The following TOP1MT variants were observed in gnomAD, a reference collection of about 807,000 sequenced individuals.
TOP1MT encodes DNA topoisomerase I mitochondrial, also known as DNA topoisomerase I, mitochondrial.
Under a neutral mutation model 73.9 loss-of-function variants are expected in TOP1MT, and 80 were observed. The ratio of observed to expected loss-of-function variants is 1.08; its 90% confidence interval spans 0.90 to 1.30. TOP1MT has a LOEUF of 1.30. Ranked by LOEUF, TOP1MT falls within the 50% of genes most tolerant of loss-of-function variation. TOP1MT has a pLI of 0.00. For synonymous variants in TOP1MT, 338 were observed against 326.4 expected (o/e 1.04, Z -0.38); for missense variants, 815 against 808.0 (o/e 1.01, Z -0.10).
intron 5 of TOP1MT, among the ~76,000 whole-genome samples, 153 bp from the exon 6 acceptor site, chr8:143,324,782 G>A (rs1816660060): frequency 6.6e-6 from 1 of 152,212 alleles, no homozygotes; most frequent in Non-Finnish European, 1.5e-5. Context: ...CTGCCTGGCA[G>A]CTCAGACAAA....
upstream of TOP1MT, among the ~76,000 whole-genome samples, chr8:143,346,096 A>G (rs1035730740): frequency 3.3e-5 from 5 of 152,084 alleles, no homozygotes; most frequent in African/African-American, 1.2e-4. Flanking sequence ...ATGTGTCTGT[A>G]AAGTTCACTT....
chr8:143,338,529 T>C (rs1817020976), upstream of TOP1MT, among the ~76,000 whole-genome samples: 1 of 151,306 alleles, frequency 6.6e-6, no homozygotes, highest in South Asian at 2.1e-4. Flanking sequence ...ATCGCACCAT[T>C]GCACTCCAGC....
chr8:143,326,446 G>A (rs3829019), intron 3 of TOP1MT, 102 bp from the exon 4 acceptor site: 436,683 of 1,517,842 alleles, frequency 0.29, 67,556 homozygotes, highest in African/African-American at 0.53. Flanking sequence ...CGCCATGTCC[G>A]ACGGAGGCGT....
intron 7 of TOP1MT, among the ~76,000 whole-genome samples, chr8:143,323,024 ACACACACATGCACG>A (rs1177748531): frequency 2.3e-5 from 1 of 44,174 alleles, no homozygotes; most frequent in Non-Finnish European, 5.0e-5. Flanking sequence ...ACACATGCAC[ACACACACATGCACG>A]CCACACAGGC....
In TOP1MT at chr8:143,341,999, CAG is replaced by C. The variant is rs537889435; in HGVS notation, c.29+1219_29+1220del. On this transcript the variant is annotated intron_variant, in intron 2 of 5. Coordinates refer to the TOP1MT transcript ENST00000518007. The surrounding 1 kb of genome is among the most constrained non-coding windows in gnomAD (Gnocchi z 4.1). ...TCGCTGTTATTATTATTATTAGAGA[CAG>C]AGTCTCGCTCTGTTATTATATTAGA... Among the ~76,000 whole-genome samples, 6 of 146,306 alleles carry C rather than the reference CAG, an allele frequency of 4.1e-5. No homozygotes were observed. The highest frequency in any genetic ancestry group is 2.2e-4 in the South Asian group (1 of 4,598).
intron 10 of TOP1MT, 83 bp from the exon 11 acceptor site, chr8:143,316,209 C>A: frequency 6.3e-7 from 1 of 1,597,558 alleles, no homozygotes; most frequent in Admixed American, 1.7e-5. Flanking sequence ...TAACGCGCCA[C>A]ACAGCGCAGC....
rs1309169760 is a variant in TOP1MT at position 143,334,811 on chromosome 8, C to T, written c.51G>A (p.Gly17=). The T allele has an allele frequency of 1.9e-6, 3 of 1,573,520 alleles. No individual in the cohort carries two copies. The highest frequency in any genetic ancestry group is 2.6e-6 in the Non-Finnish European group (3 of 1,164,880). Residue 17 remains glycine, a synonymous_variant, in exon 1 of 14, where the codon GGG becomes GGA. Coordinates refer to ENST00000329245, the MANE Select transcript of TOP1MT (RefSeq NM_052963.3). ...LRLRAALTLL[G]EVPRRPASRG... is the part of the protein sequence containing the mutation. ...GGGAGGCCGGGCGGCGGGGGACCTC[C>T]CCGAGCAGCGTCAGAGCCGCCCGGA...
chr8:143,339,067 G>C (rs1817029480), upstream of TOP1MT, among the ~76,000 whole-genome samples: 11 of 152,182 alleles, frequency 7.2e-5, no homozygotes, highest in Admixed American at 7.2e-4. Context: ...TACCTATAAA[G>C]ACGTTTCCCA....
intron 1 of TOP1MT, chr8:143,333,752 C>G (rs13275401): frequency 0.067 from 10,302 of 152,626 alleles, 453 homozygotes; most frequent in Non-Finnish European, 0.092. Flanking sequence ...CACCTGTCCA[C>G]CTGGGCGACT....
chr8:143,316,081 T>C lies in TOP1MT; in HGVS notation c.1376A>G (p.Asn459Ser), dbSNP rs763355862. The C allele has an allele frequency of 6.2e-7, 1 of 1,614,152 alleles. No individual in the cohort carries two copies. Among genetic ancestry groups the C allele is most frequent in the East Asian group, 2.2e-5 (1 of 44,880 alleles). ...GTTGCAGAGAATGGCCACGACTCGG[T>C]TGGCTCGGTTGTAGGATAAGATCTT... ...AAKILSYNRA[N>S]RVVAILCNHQ... The change falls in exon 11 of 14, where the codon AAC becomes AGC. Residue 459 changes from asparagine (N) to serine (S), a missense_variant. Physicochemically the swap from Asn to Ser is conservative, Grantham distance 46. Transcript: ENST00000329245.
At chr8:143,334,950 C>G (rs1183071109), upstream of TOP1MT, 3 of 1,203,564 alleles carry the variant, frequency 2.5e-6, 1 homozygote, top group African/African-American at 3.4e-5. Flanking sequence ...CGCCCCCGAG[C>G]GCGGCCTCCG....
At chr8:143,338,475 G>A (rs1586777497), upstream of TOP1MT, among the ~76,000 whole-genome samples, 4 of 151,978 alleles carry the variant, frequency 2.6e-5, no homozygotes, top group Admixed American at 2.0e-4. Context: ...GCTGAAACAG[G>A]AGAATCACTT....
intron 7 of TOP1MT, among the ~76,000 whole-genome samples, 200 bp downstream of exon 7, chr8:143,323,799 C>T (rs1038920600): frequency 6.6e-6 from 1 of 151,860 alleles, no homozygotes; most frequent in African/African-American, 2.4e-5. Context: ...CGCACAAGTG[C>T]ACACACACCA....
rs1251400062 is a variant in TOP1MT at position 143,341,266 on chromosome 8, G to A, written c.29+1954C>T. ...CTCTCTTCCACACAGCCCTTGCCCCGGCCAGTGTCTGTGAGCTCACAGTCC... is the reference window on the plus strand; with the variant it reads ...CTCTCTTCCACACAGCCCTTGCCCCAGCCAGTGTCTGTGAGCTCACAGTCC... On this transcript the variant is annotated intron_variant, in intron 2 of 5. Coordinates refer to the TOP1MT transcript ENST00000518007. The surrounding 1 kb of genome is among the most constrained non-coding windows in gnomAD (Gnocchi z 4.1). Among the ~76,000 whole-genome samples the A allele has an allele frequency of 6.6e-6, 1 of 151,552 alleles. No homozygotes were observed. Among genetic ancestry groups the A allele is most frequent in the Non-Finnish European group, 1.5e-5 (1 of 67,914 alleles).
At chr8:143,347,688 GCAGCCAGCCAGCCAGCCAGCCAGCCAGC>G (rs36222627), upstream of TOP1MT, among the ~76,000 whole-genome samples, 2 of 149,986 alleles carry the variant, frequency 1.3e-5, no homozygotes, top group Non-Finnish European at 3.0e-5. Flanking sequence ...CAGCAGGCAG[GCAGCCAGCCAGCCAGCCAGCCAGCCAGC>G]CAGCCAGCCA....
intron 1 of TOP1MT, among the ~76,000 whole-genome samples, chr8:143,350,930 G>C (rs373348213): frequency 2.0e-5 from 3 of 151,954 alleles, no homozygotes; most frequent in Non-Finnish European, 2.9e-5. Context: ...CCTCCTCTTC[G>C]ACCAGGCCCT....
intron 3 of TOP1MT, chr8:143,327,713 G>A (rs1415809512): frequency 4.8e-6 from 2 of 414,330 alleles, no homozygotes; most frequent in East Asian, 7.7e-5. Context: ...ATGCCGGGCA[G>A]CTGGTGCCAC....
At position 143,324,154 on chromosome 8, in the gene TOP1MT, AAAT is replaced by A; in HGVS notation, c.817-15_817-13del. 2 of 1,612,434 alleles carry A rather than the reference AAAT, an allele frequency of 1.2e-6. No individual in the cohort carries two copies. Among genetic ancestry groups the A allele is most frequent in the Non-Finnish European group, 1.7e-6 (2 of 1,179,486 alleles). ...CAAGCTGTCTCCCCCTAAACGAAGA[AAAT>A]AACAGGAAAGAAAACATTCACATTC... On this transcript the variant is annotated splice_polypyrimidine_tract_variant and intron_variant, in intron 6 of 13. Transcript: ENST00000329245.
chr8:143,354,900 G>C (rs566444184), intron 1 of TOP1MT, among the ~76,000 whole-genome samples: 2 of 152,044 alleles, frequency 1.3e-5, no homozygotes, highest in South Asian at 2.1e-4. Context: ...GACAAAAACA[G>C]AACAAAAAGA....
Sources: allele counts gnomAD v4.1 joint callset (sites outside exome capture counted in the v4.1 genomes callset), GRCh38; gene constraint gnomAD v4.1.1; non-coding constraint Gnocchi (gnomAD v3.1); transcripts MANE v1.5; gene names NCBI Gene and HGNC (gene_info 2026-07-23, HGNC 2026-07-21).